Variants in PALS2 observed in about 807,000 individuals in gnomAD.
The protein encoded by PALS2 is protein associated with LIN7 2, MAGUK p55 family member.
Under a neutral mutation model 61.6 loss-of-function variants are expected in PALS2, and 27 were observed. The observed-to-expected ratio is 0.44, with a 90% CI of 0.32 to 0.60. The LOEUF is 0.60. Ranked by LOEUF, PALS2 falls within the 20% of genes least tolerant of loss-of-function variation. PALS2 has a pLI of 0.05. For missense variants in PALS2, 554 were observed against 639.4 expected, an observed-to-expected ratio of 0.87 and a Z score of 1.44; for synonymous variants, 236 against 218.6, an observed-to-expected ratio of 1.08 and a Z score of -0.70.
chr7:24,668,560 A>G lies in PALS2; in HGVS notation c.1014A>G (p.Arg338=). ...TAGCCAAAATGCCTCCCTTCCAGAG[A>G]AAAACATTAGTATTGATAGGAGCTC... ...EEVAKMPPFQ[R]KTLVLIGAQG... Residue 338 remains arginine, a synonymous_variant, in exon 9 of 12, where the codon AGA becomes AGG. Transcript: ENST00000222644. 6.2e-7 allele frequency: 1 copy of G among 1,613,832 alleles called. No individual in the cohort carries two copies. Among genetic ancestry groups the G allele is most frequent in the Non-Finnish European group, 8.5e-7 (1 of 1,179,812 alleles).
At chr7:24,613,953 T>C (rs909570911) in intron 1 of PALS2, among the ~76,000 whole-genome samples, 12 of 151,990 alleles carry the variant, frequency 7.9e-5, no homozygotes, top group Non-Finnish European at 4.4e-5. Flanking sequence ...TTCCATTATG[T>C]ATATATACCA....
Position 24,638,852 on chromosome 7 carries a change from G to T in PALS2, c.118-2864G>T, listed in dbSNP as rs190588622. 5.3e-3 allele frequency among the ~76,000 whole-genome samples: 808 copies of T among 152,272 alleles called. 6 individuals carry two copies. Among genetic ancestry groups the T allele is most frequent in the East Asian group, 8.7e-3 (45 of 5,186 alleles). On this transcript the variant is annotated intron_variant, in intron 2 of 11. Transcript: ENST00000222644. ...AGGTTAATACACATACTAAGGAATG[G>T]AGTTTTCAAGTCATTGATCATTTCT... is the stretch of plus-strand genomic sequence containing the variant.
intron 1 of PALS2, among the ~76,000 whole-genome samples, chr7:24,579,138 A>T (rs149420145): frequency 1.3e-5 from 2 of 152,378 alleles, no homozygotes; most frequent in African/African-American, 4.8e-5. Context: ...AGTAATTCTC[A>T]GAAAAGGAAA....
chr7:24,589,109 A>T (rs934783996), intron 1 of PALS2: 3 of 152,004 alleles, frequency 2.0e-5, no homozygotes, highest in African/African-American at 7.2e-5. Context: ...TTGGGAGGCA[A>T]AGTTCTCAAG....
chr7:24,641,682 G>A (rs770242291), intron 2 of PALS2, 34 bp from the exon 3 acceptor site: 1 of 1,514,124 alleles, frequency 6.6e-7, no homozygotes, highest in Admixed American at 2.1e-5. Context: ...TAACAAATAA[G>A]TATTACTACT....
chr7:24,625,768 A>G (rs1271495726), intron 2 of PALS2, among the ~76,000 whole-genome samples: 1 of 152,210 alleles, frequency 6.6e-6, no homozygotes, highest in Non-Finnish European at 1.5e-5. Context: ...TTGATGATAA[A>G]AATGAAATAA....
At chr7:24,667,504 C>T (rs554123365) in intron 8 of PALS2, among the ~76,000 whole-genome samples, 1 of 151,968 alleles carries the variant, frequency 6.6e-6, no homozygotes, top group African/African-American at 2.4e-5. Context: ...CTCCTGTCCT[C>T]CGTATTTGCT....
intron 1 of PALS2, among the ~76,000 whole-genome samples, chr7:24,588,135 A>G (rs1783144042): frequency 6.6e-6 from 1 of 152,192 alleles, no homozygotes; most frequent in South Asian, 2.1e-4. Context: ...CAGCAGTGCG[A>G]AGATTGAAAA....
In PALS2 at chr7:24,576,828, G is replaced by A. The variant is rs542700673; in HGVS notation, c.-3+3235G>A. 3.3e-5 allele frequency among the ~76,000 whole-genome samples: 5 copies of A among 152,248 alleles called. No homozygotes were observed. The South Asian group carries it at 1.0e-3, about 32-fold the overall frequency. ...AGGAGAAGATATTGAAGCATCCCAT[G>A]TAGCTAATTTTAGTGTTCATTTCAC... On this transcript the variant is annotated intron_variant, in intron 1 of 11. Transcript: ENST00000222644.
intron 11 of PALS2, among the ~76,000 whole-genome samples, chr7:24,685,581 T>G (rs1407079922): frequency 6.6e-6 from 1 of 151,980 alleles, no homozygotes; most frequent in African/African-American, 2.4e-5. Flanking sequence ...GAGACCACTC[T>G]ATAGCCAGAG....
At chr7:24,650,368 A>G (rs1351059456) in intron 4 of PALS2, 117 bp from the exon 5 acceptor site, 1 of 866,464 alleles carries the variant, frequency 1.2e-6, no homozygotes, top group Admixed American at 3.0e-5. Flanking sequence ...AGAACATGGG[A>G]AAAGTAAGAA....
At chr7:24,640,824 T>A (rs369333019) in intron 2 of PALS2, among the ~76,000 whole-genome samples, 2 of 151,940 alleles carry the variant, frequency 1.3e-5, no homozygotes, top group South Asian at 2.1e-4. Flanking sequence ...CTGGCTAACA[T>A]GGTGAAACCC....
At chr7:24,617,041 A>G (rs1004270341) in intron 1 of PALS2, among the ~76,000 whole-genome samples, 1 of 152,140 alleles carries the variant, frequency 6.6e-6, no homozygotes, top group Non-Finnish European at 1.5e-5. Context: ...GAACTCTCAT[A>G]ATGTGAATAT....
chr7:24,598,060 G>T (rs1033500499), intron 1 of PALS2, among the ~76,000 whole-genome samples: 4 of 152,130 alleles, frequency 2.6e-5, no homozygotes, highest in African/African-American at 9.7e-5. Flanking sequence ...TTCATGATTT[G>T]CCTAGGGCTG....
chr7:24,638,317 A>ATTTTTTTTTTTTTTTTTTTTT (rs1562631729), intron 2 of PALS2, among the ~76,000 whole-genome samples: 2 of 14,254 alleles, frequency 1.4e-4, no homozygotes, highest in Non-Finnish European at 2.2e-4. Context: ...CAATTTCTGT[A>ATTTTTTTTTTTTTTTTTTTTT]TTTTCTTTTT....
chr7:24,623,183 G>T (rs1312371630), intron 1 of PALS2, among the ~76,000 whole-genome samples: 1 of 149,474 alleles, frequency 6.7e-6, no homozygotes, highest in Non-Finnish European at 1.5e-5. Context: ...GAGTTGGAAG[G>T]TGTTTCCTTC....
chr7:24,660,280 G>T (rs1392220926), intron 5 of PALS2, among the ~76,000 whole-genome samples: 1 of 151,874 alleles, frequency 6.6e-6, no homozygotes, highest in Non-Finnish European at 1.5e-5. Context: ...TATGTATTCA[G>T]TTGAGATCTC....
At chr7:24,671,678 T>A (rs1461409837) in intron 9 of PALS2, among the ~76,000 whole-genome samples, 1 of 152,188 alleles carries the variant, frequency 6.6e-6, no homozygotes, top group South Asian at 2.1e-4. Context: ...GACTCTTACA[T>A]GCAGATTATA....
rs142149525 is a variant in PALS2 at position 24,687,601 on chromosome 7, G to T, written c.1610G>T (p.Ser537Ile). 1.3e-3 allele frequency: 2,097 copies of T among 1,605,908 alleles called. 11 individuals are homozygous for T. The Middle Eastern group carries it at 0.014, about 11-fold the overall frequency. ...ATGGAACCACAGTGGGTCCCAATCA[G>T]CTGGGTTTACTGATGATTCAGTAAG... ...LRMEPQWVPI[S>I]WVY The change falls in exon 12 of 12, where the codon AGC becomes ATC. Residue 537 changes from serine to isoleucine, a missense_variant. Coordinates refer to ENST00000222644, the MANE Select transcript of PALS2 (RefSeq NM_001303037.2). The surrounding 1 kb of genome is among the most constrained non-coding windows in gnomAD (Gnocchi z 4.5).
Sources: allele counts gnomAD v4.1 joint callset (sites outside exome capture counted in the v4.1 genomes callset), GRCh38; gene constraint gnomAD v4.1.1; non-coding constraint Gnocchi (gnomAD v3.1); transcripts MANE v1.5; gene names NCBI Gene and HGNC (gene_info 2026-07-23, HGNC 2026-07-21).